The following ZNF641 variants were observed in gnomAD, a reference collection of about 807,000 sequenced individuals.
ZNF641 encodes the protein zinc finger protein 641.
ZNF641 carries 26 observed loss-of-function variants against 46.2 expected under a neutral mutation model. The ratio of observed to expected loss-of-function variants is 0.56; its 90% CI spans 0.41 to 0.78. ZNF641 has a LOEUF of 0.78. ZNF641 is among the 30% of genes least tolerant of loss of function. ZNF641 has a pLI of 0.00. For synonymous variants in ZNF641, 163 were observed against 187.9 expected (o/e 0.87, Z 1.09); for missense variants, 469 against 517.8 (o/e 0.91, Z 0.91).
rs1163335094 is a variant in ZNF641, at chr12:48,339,519, C to G, written c.*3454G>C. On this transcript the variant is annotated 3_prime_UTR_variant, in exon 6 of 6. Transcript: ENST00000547026. ...TTGAGAGCCACAGTTTGGTATGGCT[C>G]ACAAGGGAAAAGAGGAAAATTTTGC... The G allele has an allele frequency of 1.3e-5, 2 of 152,124 alleles. No homozygotes were observed. The highest frequency in any genetic ancestry group is 4.8e-5 in the African/African-American group (2 of 41,404). 9.4% of individuals were successfully genotyped at this position (152,124 alleles called of 1,614,324 possible).
chr12:48,348,804 A>G (rs960772787), intron 1 of ZNF641, among the ~76,000 whole-genome samples: 2 of 152,248 alleles, frequency 1.3e-5, no homozygotes, highest in Non-Finnish European at 2.9e-5. Context: ...TTGGTCTGTG[A>G]GGAGCTGAAG....
chr12:48,343,820 G>C, intron 5 of ZNF641, 93 bp from the exon 6 acceptor site: 10 of 1,279,894 alleles, frequency 7.8e-6, no homozygotes, highest in Non-Finnish European at 9.3e-6. Flanking sequence ...ATACCTGCCA[G>C]GGCCCAGACT....
rs1404894213 is a variant in ZNF641 at position 48,337,693 on chromosome 12, G to A, written c.*5280C>T. 1 of 151,458 alleles carries A rather than the reference G, an allele frequency of 6.6e-6. No homozygotes were observed. Among genetic ancestry groups the A allele is most frequent in the Non-Finnish European group, 1.5e-5 (1 of 67,908 alleles). The allele number at this position is 151,458 out of a possible 1,614,324, so 9.4% of individuals were successfully genotyped here. A position where few individuals can be genotyped will look rare whatever the true frequency, so the allele number is the denominator to read the frequency against. ...AAAAAAAAAAAAAAAAATAGGCGTG[G>A]TGGTGGGCGCTTGTAGTCCCAGCTA... is the stretch of plus-strand genomic sequence containing the variant. On this transcript the variant is annotated 3_prime_UTR_variant, in exon 6 of 6. Coordinates refer to ENST00000547026, the MANE Select transcript of ZNF641 (RefSeq NM_001172681.2).
chr12:48,345,283 A>G, intron 4 of ZNF641, 62 bp downstream of exon 4: 1 of 1,592,344 alleles, frequency 6.3e-7, no homozygotes, highest in Non-Finnish European at 8.6e-7. Flanking sequence ...AATAGCCCTG[A>G]AGCAGATGGC....
At chr12:48,344,327 T>A (rs1159674951) in intron 5 of ZNF641, 1 of 248,118 alleles carries the variant, frequency 4.0e-6, no homozygotes, top group African/African-American at 2.2e-5. Context: ...TATTCTAATA[T>A]ATTCATATAT....
rs1172731059 is a variant in ZNF641, at chr12:48,347,363, A to G, written c.185-20T>C. The G allele has an allele frequency of 2.5e-6, 4 of 1,589,362 alleles. No individual in the cohort carries two copies. In the East Asian group the frequency reaches 9.0e-5, roughly 36 times the overall value. ...ACTGAGCTGATAAGGAGAGAGAAGA[A>G]ACATTAGAGAATAACGATCTACCCT... On this transcript the variant is annotated intron_variant, in intron 2 of 5. Transcript: ENST00000547026.
chr12:48,345,544 T>A, intron 3 of ZNF641, 70 bp from the exon 4 acceptor site: 1 of 1,594,448 alleles, frequency 6.3e-7, no homozygotes, highest in Non-Finnish European at 8.6e-7. Flanking sequence ...TATGAAAGGC[T>A]AAGTTAGTAG....
intron 3 of ZNF641, 44 bp from the exon 4 acceptor site, chr12:48,345,518 G>A: frequency 1.2e-6 from 2 of 1,612,092 alleles, no homozygotes; most frequent in Non-Finnish European, 1.7e-6. Context: ...TGTTTTTTAA[G>A]GAAAATGTGA....
At position 48,339,791 on chromosome 12, in the gene ZNF641, A is replaced by G. The variant is rs957868231; in HGVS notation, c.*3182T>C. ...ACCTCTTTGGTTCTCTGAAGCCATA[A>G]CATTACTTTGACAAGGGAAAAGTTT... On this transcript the variant is annotated 3_prime_UTR_variant, in exon 6 of 6. Coordinates refer to ENST00000547026, the MANE Select transcript of ZNF641 (RefSeq NM_001172681.2). 1 of 336,478 alleles carries G rather than the reference A, an allele frequency of 3.0e-6. No individual in the cohort carries two copies. Among genetic ancestry groups the G allele is most frequent in the African/African-American group, 2.2e-5 (1 of 44,798 alleles). The allele number at this position is 336,478 out of a possible 1,614,324, so 20.8% of individuals were successfully genotyped here.
rs761638169 is a variant in ZNF641 at position 48,343,227 on chromosome 12, C to T, written c.1021G>A (p.Glu341Lys). ...GKSCKGQEVGESPGTRKRQRA... is the reference protein window; with the variant it reads ...GKSCKGQEVGKSPGTRKRQRA... Reference sequence around the variant, plus strand: ...TGCCGTTTCCTTGTGCCAGGGCTCTCTCCAACCTCTTGGCCTTTGCAGGAT... The same window carrying T: ...TGCCGTTTCCTTGTGCCAGGGCTCTTTCCAACCTCTTGGCCTTTGCAGGAT... Residue 341 changes from glutamate (E) to lysine (K), a missense_variant, in exon 6 of 6, where the codon GAG (glutamate) becomes AAG (lysine). Glu to Lys is a moderately conservative substitution (Grantham distance 56). Around this residue, in one of 3 missense-constraint regions of ZNF641, gnomAD observed 346 missense variants for 354.0 expected, o/e 0.98. Coordinates refer to ENST00000547026, the MANE Select transcript of ZNF641 (RefSeq NM_001172681.2). 2 of 1,614,260 alleles carry T rather than the reference C, an allele frequency of 1.2e-6. No homozygotes were observed. The highest frequency in any genetic ancestry group is 2.7e-5 in the African/African-American group (2 of 75,062).
At chr12:48,335,346 G>A (rs187476899), downstream of ZNF641, among the ~76,000 whole-genome samples, 2 of 152,318 alleles carry the variant, frequency 1.3e-5, no homozygotes, top group Admixed American at 1.3e-4. Flanking sequence ...TAAGAAGGCT[G>A]CAATACTAGG....
At chr12:48,346,789 T>A (rs1952883317) in intron 3 of ZNF641, among the ~76,000 whole-genome samples, 1 of 152,174 alleles carries the variant, frequency 6.6e-6, no homozygotes, top group East Asian at 1.9e-4. Flanking sequence ...GGTGGGCAGA[T>A]CACCTGACGT....
chr12:48,343,007 C>T lies in ZNF641; in HGVS notation c.1241G>A (p.Arg414Gln), dbSNP rs563221165. The T allele has an allele frequency of 7.7e-5, 124 of 1,613,866 alleles. No homozygotes were observed. The highest frequency in any genetic ancestry group is 9.2e-5 in the Non-Finnish European group (109 of 1,179,894). ...HLLTHQGQSP[R>Q]NSWDRGTSVF Reference sequence around the variant, plus strand: ...AGATGTTCCTCTGTCCCAGCTGTTCCGGGGACTTTGTCCCTGGTGGGTGAG... The same window carrying T: ...AGATGTTCCTCTGTCCCAGCTGTTCTGGGGACTTTGTCCCTGGTGGGTGAG... Residue 414 changes from arginine to glutamine, a missense_variant, in exon 6 of 6, where the codon CGG becomes CAG. Physicochemically the swap from Arg to Gln is conservative, Grantham distance 43. Around this residue, in one of 3 missense-constraint regions of ZNF641, gnomAD observed 346 missense variants for 354.0 expected, o/e 0.98. Transcript: ENST00000547026.
intron 4 of ZNF641, 61 bp downstream of exon 4, chr12:48,345,284 A>C (rs1952836719): frequency 1.3e-6 from 2 of 1,593,758 alleles, no homozygotes; most frequent in African/African-American, 1.3e-5. Context: ...ATAGCCCTGA[A>C]GCAGATGGCT....
chr12:48,336,267 TG>T (rs1952603635), downstream of ZNF641, among the ~76,000 whole-genome samples: 1 of 152,212 alleles, frequency 6.6e-6, no homozygotes, highest in Admixed American at 6.5e-5. Context: ...TTCTAGCTAG[TG>T]GGCAGTCATA....
intron 3 of ZNF641, 145 bp from the exon 4 acceptor site, chr12:48,345,619 G>T: frequency 1.1e-6 from 1 of 932,598 alleles, no homozygotes; most frequent in Non-Finnish European, 1.6e-6. Context: ...AGGGCACATA[G>T]TTTTGGTAAC....
rs1293007349 is a variant in ZNF641, at chr12:48,343,213, T to C, written c.1035A>G (p.Thr345=). The part of the protein sequence containing the change: ...KGQEVGESPG[T]RKRQRAPPVP... ...CTGGTGGGGCACGCTGCCGTTTCCT[T>C]GTGCCAGGGCTCTCTCCAACCTCTT... The change falls in exon 6 of 6, where the codon ACA becomes ACG. Residue 345 remains threonine, a synonymous_variant. Transcript: ENST00000547026. The C allele has an allele frequency of 6.2e-7, 1 of 1,614,182 alleles. No homozygotes were observed. Among genetic ancestry groups the C allele is most frequent in the Non-Finnish European group, 8.5e-7 (1 of 1,179,998 alleles).
Position 48,343,418 on chromosome 12 carries a change from G to T in ZNF641, c.830C>A (p.Pro277His). Residue 277 changes from proline to histidine, a missense_variant, in exon 6 of 6, where the codon CCC (proline) becomes CAC (histidine). Coordinates refer to ENST00000547026, the MANE Select transcript of ZNF641 (RefSeq NM_001172681.2). ...CTTCTCACACTTGAGGCAGCTGTAG[G>T]GTCTCTCCCCAGTGTGTGTTTGTTG... ...RHQQTHTGER[P>H]YSCLKCEKTF... is the part of the protein sequence containing the mutation. 1 of 1,614,136 alleles carries T rather than the reference G, an allele frequency of 6.2e-7. No individual in the cohort carries two copies. Among genetic ancestry groups the T allele is most frequent in the African/African-American group, 1.3e-5 (1 of 75,036 alleles).
rs1284844266 is a variant in ZNF641 at position 48,341,244 on chromosome 12, G to A, written c.*1729C>T. ...CTGGTTCATTCCACCAATTGTGGTT[G>A]AGAAACACATCTTAGGGAAGAAACA... On this transcript the variant is annotated 3_prime_UTR_variant, in exon 6 of 6. Coordinates refer to ENST00000547026, the MANE Select transcript of ZNF641 (RefSeq NM_001172681.2). The A allele has an allele frequency of 2.0e-6, 2 of 985,342 alleles. No homozygotes were observed. Among genetic ancestry groups the A allele is most frequent in the African/African-American group, 1.7e-5 (1 of 57,236 alleles). 61.0% of individuals were successfully genotyped at this position (985,342 alleles called of 1,614,324 possible).
Sources: allele counts gnomAD v4.1 joint callset (sites outside exome capture counted in the v4.1 genomes callset), GRCh38; gene constraint gnomAD v4.1.1; regional missense constraint gnomAD v4.1.1; transcripts MANE v1.5; gene names NCBI Gene and HGNC (gene_info 2026-07-23, HGNC 2026-07-21).